KCNH7: variants seen among roughly 807,000 people sequenced by gnomAD.
KCNH7 encodes the protein voltage-gated inwardly rectifying potassium channel KCNH7.
Under a neutral mutation model 120.8 loss-of-function variants are expected in KCNH7, and 49 were observed. That is an observed-to-expected ratio of 0.41 (90% CI 0.32 to 0.51). KCNH7 has a LOEUF of 0.51. Ranked by LOEUF, KCNH7 falls within the 20% of genes least tolerant of loss-of-function variation. The probability of loss-of-function intolerance (pLI) is 0.38; values close to 1 mark genes in which losing one functional copy is unlikely to be tolerated. For missense variants in KCNH7, 1,097 were observed against 1,446.6 expected, an observed-to-expected ratio of 0.76 and a Z score of 3.92; for synonymous variants, 547 against 516.1, an observed-to-expected ratio of 1.06 and a Z score of -0.81.
chr2:162,521,383 A>T (rs1448830666), intron 3 of KCNH7, among the ~76,000 whole-genome samples: 1 of 151,928 alleles, frequency 6.6e-6, no homozygotes, highest in Non-Finnish European at 1.5e-5. Flanking sequence ...GTACTGACTG[A>T]TATTTAACAA....
At chr2:162,732,355 G>A (rs926061222) in intron 2 of KCNH7, among the ~76,000 whole-genome samples, 6 of 152,118 alleles carry the variant, frequency 3.9e-5, no homozygotes, top group Non-Finnish European at 7.4e-5. Context: ...AAAGGAAACC[G>A]AAAGTAAGTT....
At chr2:162,525,568 C>T (rs1171106177) in intron 3 of KCNH7, among the ~76,000 whole-genome samples, 2 of 151,950 alleles carry the variant, frequency 1.3e-5, no homozygotes, top group African/African-American at 2.4e-5. Flanking sequence ...TTTCTATGTG[C>T]TTAAAATAAC....
intron 2 of KCNH7, among the ~76,000 whole-genome samples, chr2:162,607,902 G>A (rs1454767393): frequency 1.3e-5 from 2 of 152,092 alleles, no homozygotes; most frequent in East Asian, 1.9e-4. Flanking sequence ...AATTCAGCTA[G>A]CTTGAAGATA....
chr2:162,650,362 T>G (rs1684524287), intron 2 of KCNH7, among the ~76,000 whole-genome samples: 1 of 152,172 alleles, frequency 6.6e-6, no homozygotes, highest in Non-Finnish European at 1.5e-5. Context: ...AACTTATGAT[T>G]TTGGTAGTTC....
intron 2 of KCNH7, among the ~76,000 whole-genome samples, chr2:162,661,546 C>A (rs182088989): frequency 6.6e-6 from 1 of 152,088 alleles, no homozygotes; most frequent in Admixed American, 6.6e-5. Flanking sequence ...GTCTGTAAGG[C>A]GTAAAAACCC....
intron 2 of KCNH7, among the ~76,000 whole-genome samples, chr2:162,653,721 A>G (rs980436149): frequency 5.9e-5 from 9 of 152,230 alleles, no homozygotes; most frequent in Non-Finnish European, 1.0e-4. Flanking sequence ...AAAAAGTTGA[A>G]GGCATCACAC....
Position 162,371,750 on chromosome 2 carries a change from T to C in KCNH7, c.*79A>G. 2 of 1,327,054 alleles carry C rather than the reference T, an allele frequency of 1.5e-6. No individual in the cohort carries two copies. The highest frequency in any genetic ancestry group is 2.1e-6 in the Non-Finnish European group (2 of 959,222). 82.2% of individuals were successfully genotyped at this position (1,327,054 alleles called of 1,614,324 possible). On this transcript the variant is annotated 3_prime_UTR_variant, in exon 16 of 16. Transcript: ENST00000332142. ...GTACCTTGTGAGCCCCTGAGTCAAG[T>C]AGAGAGGATTTAAATAGAAAAAGGA...
intron 2 of KCNH7, among the ~76,000 whole-genome samples, chr2:162,540,844 A>C (rs1157216730): frequency 6.6e-6 from 1 of 152,064 alleles, no homozygotes; most frequent in Non-Finnish European, 1.5e-5. Context: ...GGATGGAAGG[A>C]GGGAGACCAG....
chr2:162,422,597 C>T (rs937588475), intron 9 of KCNH7, among the ~76,000 whole-genome samples: 1 of 151,834 alleles, frequency 6.6e-6, no homozygotes, highest in Non-Finnish European at 1.5e-5. Context: ...GGGCAATTCT[C>T]CTAATAATAA....
intron 6 of KCNH7, among the ~76,000 whole-genome samples, chr2:162,468,948 C>T (rs6754744): frequency 0.073 from 11,150 of 151,826 alleles, 1,308 homozygotes; most frequent in African/African-American, 0.25. Flanking sequence ...ACTTCCAGGC[C>T]CAGGTGACCC....
intron 2 of KCNH7, among the ~76,000 whole-genome samples, chr2:162,668,846 A>G (rs1298703660): frequency 6.6e-6 from 1 of 152,246 alleles, no homozygotes; most frequent in Non-Finnish European, 1.5e-5. Flanking sequence ...TCGTAAGTAC[A>G]TACAAAGATT....
At chr2:162,835,399 A>C (rs1461815930) in intron 2 of KCNH7, among the ~76,000 whole-genome samples, 1 of 152,014 alleles carries the variant, frequency 6.6e-6, no homozygotes, top group Admixed American at 6.6e-5. Flanking sequence ...CCAAATGATG[A>C]GTCATTATAT....
chr2:162,558,469 C>T (rs1186402584), intron 2 of KCNH7, among the ~76,000 whole-genome samples: 1 of 149,536 alleles, frequency 6.7e-6, no homozygotes, highest in Non-Finnish European at 1.5e-5. Flanking sequence ...CCACCGTGCC[C>T]GGCCAGGCTC....
intron 2 of KCNH7, among the ~76,000 whole-genome samples, chr2:162,646,961 T>C (rs1458068032): frequency 6.6e-6 from 1 of 152,170 alleles, no homozygotes; most frequent in Non-Finnish European, 1.5e-5. Flanking sequence ...TGTGTATTGT[T>C]TTAACCTGAT....
chr2:162,824,774 T>C lies in KCNH7; in HGVS notation c.307+11763A>G, dbSNP rs528090330. 2.6e-5 allele frequency among the ~76,000 whole-genome samples: 4 copies of C among 152,214 alleles called. No individual in the cohort carries two copies. The East Asian group carries it at 5.8e-4, about 22-fold the overall frequency. Reference sequence around the variant, plus strand: ...ATTTCACTTCTGTTACATGATATCCTAGAAGATTGTTTATTTATTATGACT... The same window carrying C: ...ATTTCACTTCTGTTACATGATATCCCAGAAGATTGTTTATTTATTATGACT... On this transcript the variant is annotated intron_variant, in intron 2 of 15. Coordinates refer to ENST00000332142, the MANE Select transcript of KCNH7 (RefSeq NM_033272.4).
In KCNH7 at chr2:162,738,574, G is replaced by A. The variant is rs574516643; in HGVS notation, c.307+97963C>T. Reference sequence around the variant, plus strand: ...TGACCTACTTCTTCCCAGAAAACAAGAGACCCACAGGAAACACTGGAACTG... The same window carrying A: ...TGACCTACTTCTTCCCAGAAAACAAAAGACCCACAGGAAACACTGGAACTG... On this transcript the variant is annotated intron_variant, in intron 2 of 15. Transcript: ENST00000332142. Among the ~76,000 whole-genome samples, 32 of 152,258 alleles carry A rather than the reference G, an allele frequency of 2.1e-4. No homozygotes were observed. In the East Asian group the frequency reaches 5.8e-3, roughly 28 times the overall value.
At chr2:162,703,290 A>G (rs1250155526) in intron 2 of KCNH7, among the ~76,000 whole-genome samples, 1 of 152,126 alleles carries the variant, frequency 6.6e-6, no homozygotes, top group Non-Finnish European at 1.5e-5. Context: ...TAAGCAATAT[A>G]TCTAAGGTCA....
intron 2 of KCNH7, among the ~76,000 whole-genome samples, chr2:162,681,021 A>C (rs1205149954): frequency 6.6e-6 from 1 of 151,824 alleles, no homozygotes; most frequent in East Asian, 1.9e-4. Context: ...AGAAAACTTA[A>C]GGAAAGTAAG....
intron 6 of KCNH7, among the ~76,000 whole-genome samples, chr2:162,496,508 G>A (rs1025156308): frequency 1.3e-5 from 2 of 152,008 alleles, no homozygotes; most frequent in African/African-American, 4.8e-5. Context: ...CTGAGAAGGG[G>A]GGAAACTGGG....
Sources: allele counts gnomAD v4.1 joint callset (sites outside exome capture counted in the v4.1 genomes callset), GRCh38; gene constraint gnomAD v4.1.1; transcripts MANE v1.5; gene names NCBI Gene and HGNC (gene_info 2026-07-23, HGNC 2026-07-21).